MAN2A1: variants seen among roughly 807,000 people sequenced by gnomAD.
MAN2A1 encodes alpha-mannosidase 2.
MAN2A1 carries 76 observed loss-of-function variants against 142.6 expected under a neutral mutation model. The observed-to-expected ratio is 0.53, with a 90% CI of 0.44 to 0.65. The LOEUF (loss-of-function observed/expected upper bound fraction) is 0.65, where lower values mean the gene tolerates loss of function less well. Among genes scored for constraint, MAN2A1 ranks in the 30% least tolerant of loss-of-function variants. The pLI is 0.00. For missense variants in MAN2A1, 1,311 were observed against 1,365.1 expected (o/e 0.96, Z 0.62); for synonymous variants, 559 against 473.2 (o/e 1.18, Z -2.35).
chr5:109,793,982 T>C (rs1582903353), intron 12 of MAN2A1, among the ~76,000 whole-genome samples: 1 of 152,328 alleles, frequency 6.6e-6, no homozygotes, highest in East Asian at 1.9e-4. Context: ...TCTTTTCTTA[T>C]GTTATCAATA....
intron 4 of MAN2A1, among the ~76,000 whole-genome samples, chr5:109,734,953 C>G (rs1419924203): frequency 6.6e-6 from 1 of 152,146 alleles, no homozygotes; most frequent in East Asian, 1.9e-4. Context: ...ATTGATCTGT[C>G]TAATGTTGAC....
chr5:109,858,144 C>T (rs951497324), intron 20 of MAN2A1, among the ~76,000 whole-genome samples: 1 of 152,120 alleles, frequency 6.6e-6, no homozygotes, highest in African/African-American at 2.4e-5. Flanking sequence ...GTTAATAATG[C>T]CTATTGATAA....
At chr5:109,759,556 C>T (rs1752779599) in intron 5 of MAN2A1, among the ~76,000 whole-genome samples, 1 of 152,120 alleles carries the variant, frequency 6.6e-6, no homozygotes, top group African/African-American at 2.4e-5. Flanking sequence ...CTGTGATAAA[C>T]ATTTGTGCAC....
intron 1 of MAN2A1, among the ~76,000 whole-genome samples, chr5:109,703,020 C>T (rs1334340693): frequency 6.6e-6 from 1 of 152,146 alleles, no homozygotes; most frequent in Non-Finnish European, 1.5e-5. Flanking sequence ...ATAGAAGGGA[C>T]TTATTCAGGA....
At position 109,784,340 on chromosome 5, in the gene MAN2A1, G is replaced by A. The variant is rs77813259; in HGVS notation, c.1578-404G>A. On this transcript the variant is annotated intron_variant, in intron 9 of 21. Coordinates refer to ENST00000261483, the MANE Select transcript of MAN2A1 (RefSeq NM_002372.4). ...CATTTCTCTTAATGTGTATATGTGA[G>A]AGTAAATGATATTCTGGTGATGTTC... Among the ~76,000 whole-genome samples, 963 of 152,264 alleles carry A rather than the reference G, an allele frequency of 6.3e-3. 12 individuals are homozygous for A. The highest frequency in any genetic ancestry group is 0.022 in the African/African-American group (916 of 41,554).
intron 12 of MAN2A1, among the ~76,000 whole-genome samples, chr5:109,792,815 G>A (rs1753768144): frequency 1.3e-5 from 2 of 151,990 alleles, no homozygotes; most frequent in African/African-American, 2.4e-5. Context: ...GGAGCTGTTA[G>A]CTGCCAGTAC....
intron 12 of MAN2A1, among the ~76,000 whole-genome samples, chr5:109,814,091 G>T (rs1415072755): frequency 1.3e-5 from 2 of 152,184 alleles, no homozygotes; most frequent in African/African-American, 4.8e-5. Context: ...CTTGGTGACA[G>T]ATGATACGTA....
intron 4 of MAN2A1, among the ~76,000 whole-genome samples, chr5:109,743,824 G>C (rs535352901): frequency 6.6e-6 from 1 of 152,144 alleles, no homozygotes; most frequent in South Asian, 2.1e-4. Context: ...AAAATGCTTT[G>C]TGGTGCTTCA....
intron 4 of MAN2A1, among the ~76,000 whole-genome samples, chr5:109,733,020 G>T (rs1047043805): frequency 6.6e-6 from 1 of 152,082 alleles, no homozygotes; most frequent in African/African-American, 2.4e-5. Flanking sequence ...CCATTTGTTT[G>T]TATCCTCTTT....
chr5:109,737,382 G>A (rs1421839203), intron 4 of MAN2A1, among the ~76,000 whole-genome samples: 1 of 151,808 alleles, frequency 6.6e-6, no homozygotes, highest in Non-Finnish European at 1.5e-5. Context: ...CCAAAGTTCT[G>A]GGATCACAGG....
chr5:109,799,095 C>T (rs1343927889), intron 12 of MAN2A1, among the ~76,000 whole-genome samples: 4 of 152,152 alleles, frequency 2.6e-5, no homozygotes, highest in African/African-American at 9.7e-5. Context: ...TGGTAATAAC[C>T]CTGTGACAGA....
At chr5:109,760,869 A>G (rs1339786165) in intron 5 of MAN2A1, among the ~76,000 whole-genome samples, 2 of 151,142 alleles carry the variant, frequency 1.3e-5, no homozygotes, top group African/African-American at 4.9e-5. Context: ...TTTCTCTTTT[A>G]TTCTTTATTA....
At chr5:109,795,668 A>G (rs1007487283) in intron 12 of MAN2A1, among the ~76,000 whole-genome samples, 6 of 152,252 alleles carry the variant, frequency 3.9e-5, no homozygotes, top group Non-Finnish European at 8.8e-5. Context: ...TAAAGCAAGT[A>G]TGGAGAATGA....
In MAN2A1 at chr5:109,842,334, A is replaced by G. The variant is rs1313292753; in HGVS notation, c.2573A>G (p.Glu858Gly). 10 of 1,547,366 alleles carry G rather than the reference A, an allele frequency of 6.5e-6. No homozygotes were observed. In the African/African-American group the frequency reaches 1.1e-4, roughly 17 times the overall value. ...TATATTTTTTTAAATTTAGGAATAG[A>G]AGGACAGTCTGTGGAAGTTTCCAAT... ...RVRLYHIQGIEGQSVEVSNIV... is the reference protein window; with the variant it reads ...RVRLYHIQGIGGQSVEVSNIV... The change falls in exon 17 of 22, where the codon GAA becomes GGA. Residue 858 changes from glutamate (E) to glycine (G), a missense_variant. Physicochemically the swap from Glu to Gly is moderately conservative, Grantham distance 98. This residue lies in a region of MAN2A1 where 890 missense variants were observed against 920.5 expected (regional missense o/e 0.97). Transcript: ENST00000261483.
chr5:109,853,931 T>TCCC (rs1298321290), intron 19 of MAN2A1: 2 of 152,268 alleles, frequency 1.3e-5, no homozygotes, highest in East Asian at 3.9e-4. Flanking sequence ...TTTTTTTTTC[T>TCCC]CTCTCCATAG....
At chr5:109,814,856 G>A (rs1754411308) in intron 12 of MAN2A1, among the ~76,000 whole-genome samples, 1 of 152,046 alleles carries the variant, frequency 6.6e-6, no homozygotes, top group African/African-American at 2.4e-5. Flanking sequence ...ACACATTATA[G>A]TATCACAGTC....
intron 12 of MAN2A1, among the ~76,000 whole-genome samples, chr5:109,796,564 G>C (rs1384034438): frequency 2.9e-5 from 4 of 137,882 alleles, no homozygotes; most frequent in African/African-American, 1.2e-4. Flanking sequence ...AAATCTGCCA[G>C]AAATAAAGTA....
Position 109,746,847 on chromosome 5 carries a change from A to C in MAN2A1, c.708-8482A>C, listed in dbSNP as rs192138336. 4.1e-4 allele frequency among the ~76,000 whole-genome samples: 63 copies of C among 152,224 alleles called. 1 individual carries two copies. Among genetic ancestry groups the C allele is most frequent in the Middle Eastern group, 6.8e-3 (2 of 294 alleles). On this transcript the variant is annotated intron_variant, in intron 4 of 21. Coordinates refer to ENST00000261483, the MANE Select transcript of MAN2A1 (RefSeq NM_002372.4). ...GACTACTCTATTAGGTGCCTTATGT[A>C]CGTAGAATCATATAATTTTTGTCCT... is the stretch of plus-strand genomic sequence containing the variant.
chr5:109,854,974 A>C, intron 19 of MAN2A1, 166 bp from the exon 20 acceptor site: 1 of 432,102 alleles, frequency 2.3e-6, no homozygotes, highest in Non-Finnish European at 4.0e-6. Flanking sequence ...ATTGCTTACA[A>C]CTAAACTTGG....
Sources: allele counts gnomAD v4.1 joint callset (sites outside exome capture counted in the v4.1 genomes callset), GRCh38; gene constraint gnomAD v4.1.1; regional missense constraint gnomAD v4.1.1; transcripts MANE v1.5; gene names NCBI Gene and HGNC (gene_info 2026-07-23, HGNC 2026-07-21).